The following GRIK2 variants were observed in gnomAD, a reference collection of about 807,000 sequenced individuals.
The protein encoded by GRIK2 is glutamate receptor ionotropic, kainate 2.
GRIK2 carries 32 observed loss-of-function variants against 100.3 expected under a neutral mutation model. That is an observed-to-expected ratio of 0.32 (90% CI 0.24 to 0.43). The LOEUF is 0.43. GRIK2 is among the 20% of genes least tolerant of loss of function. The pLI is 1.00. For missense variants in GRIK2, 843 were observed against 1,114.9 expected (o/e 0.76, Z 3.47); for synonymous variants, 417 against 389.4 (o/e 1.07, Z -0.83).
intron 2 of GRIK2, among the ~76,000 whole-genome samples, chr6:101,466,757 T>G (rs1424288422): frequency 6.6e-6 from 1 of 152,216 alleles, no homozygotes; most frequent in Non-Finnish European, 1.5e-5. Flanking sequence ...AGCTCTGATG[T>G]ATTTTGAAGG....
At chr6:101,595,886 T>A (rs2128308242) in intron 2 of GRIK2, among the ~76,000 whole-genome samples, 1 of 151,402 alleles carries the variant, frequency 6.6e-6, no homozygotes, top group East Asian at 2.0e-4. Flanking sequence ...ACCAGTGTTT[T>A]CTTCCTATGT....
At chr6:101,960,631 A>G (rs746811332) in intron 14 of GRIK2, among the ~76,000 whole-genome samples, 1 of 152,162 alleles carries the variant, frequency 6.6e-6, no homozygotes, top group Non-Finnish European at 1.5e-5. Flanking sequence ...GGTTATAAAT[A>G]CAGTTCCTTT....
At chr6:101,420,683 A>T (rs533727604) in intron 2 of GRIK2, among the ~76,000 whole-genome samples, 71 of 152,142 alleles carry the variant, frequency 4.7e-4, no homozygotes, top group African/African-American at 1.7e-3. Flanking sequence ...TTAAACAGCA[A>T]CTCTGTGTCA....
At chr6:101,923,118 A>T (rs545209266) in intron 12 of GRIK2, among the ~76,000 whole-genome samples, 27 of 152,318 alleles carry the variant, frequency 1.8e-4, no homozygotes, top group Admixed American at 1.0e-3. Context: ...CTAAAATTGC[A>T]TTAGAAAGAT....
intron 14 of GRIK2, among the ~76,000 whole-genome samples, chr6:101,982,396 AT>A: frequency 6.6e-6 from 1 of 151,966 alleles, no homozygotes; most frequent in African/African-American, 2.4e-5. Flanking sequence ...CAGCCACTCT[AT>A]CATGCAGATA....
At chr6:101,563,304 A>G (rs2128296367) in intron 2 of GRIK2, among the ~76,000 whole-genome samples, 1 of 152,348 alleles carries the variant, frequency 6.6e-6, no homozygotes, top group East Asian at 1.9e-4. Flanking sequence ...AGATCAAAAC[A>G]CATGTTCTGA....
chr6:101,774,278 T>A (rs1015519691), intron 7 of GRIK2, among the ~76,000 whole-genome samples: 1 of 152,154 alleles, frequency 6.6e-6, no homozygotes, highest in Non-Finnish European at 1.5e-5. Flanking sequence ...AAGGTAAATA[T>A]AAACAACATT....
intron 10 of GRIK2, among the ~76,000 whole-genome samples, chr6:101,841,159 G>A (rs539328959): frequency 2.3e-4 from 35 of 152,178 alleles, no homozygotes; most frequent in African/African-American, 8.4e-4. Flanking sequence ...TTGTGCCCTC[G>A]AGCAATAGCA....
intron 10 of GRIK2, among the ~76,000 whole-genome samples, chr6:101,845,002 TTTGTTGTTGTTG>T (rs141350986): frequency 2.0e-3 from 298 of 150,994 alleles, no homozygotes; most frequent in African/African-American, 7.1e-3. Context: ...TCATTGTTTG[TTTGTTGTTGTTG>T]TTGTTGTTGT....
At chr6:102,016,448 A>AAAAG (rs1262899548) in intron 14 of GRIK2, among the ~76,000 whole-genome samples, 1 of 152,070 alleles carries the variant, frequency 6.6e-6, no homozygotes, top group Non-Finnish European at 1.5e-5. Context: ...GAATTTTAAA[A>AAAAG]AAAGAATGAA....
chr6:101,601,848 C>G (rs1779227592), intron 2 of GRIK2, among the ~76,000 whole-genome samples: 1 of 151,668 alleles, frequency 6.6e-6, no homozygotes, highest in Non-Finnish European at 1.5e-5. Flanking sequence ...AGCTAGCAAT[C>G]TATTGATCAT....
At chr6:101,862,694 G>T (rs1582404401) in intron 11 of GRIK2, among the ~76,000 whole-genome samples, 1 of 151,748 alleles carries the variant, frequency 6.6e-6, no homozygotes, top group African/African-American at 2.4e-5. Flanking sequence ...GGAGTAACTG[G>T]GATTATCGAC....
intron 12 of GRIK2, among the ~76,000 whole-genome samples, chr6:101,906,988 C>T (rs1788276059): frequency 6.6e-6 from 1 of 151,624 alleles, no homozygotes; most frequent in African/African-American, 2.4e-5. Context: ...AAAATGACTA[C>T]AATCATAAAG....
At chr6:101,847,017 T>C (rs1226345862) in intron 10 of GRIK2, among the ~76,000 whole-genome samples, 1 of 151,934 alleles carries the variant, frequency 6.6e-6, no homozygotes, top group Non-Finnish European at 1.5e-5. Context: ...GAGGTAATCT[T>C]TCTTCTTTTC....
intron 1 of GRIK2, among the ~76,000 whole-genome samples, 145 bp downstream of exon 1, chr6:101,393,982 C>T (rs532573615): frequency 1.3e-5 from 2 of 152,332 alleles, no homozygotes; most frequent in Admixed American, 6.5e-5. Context: ...TGCGGACGTC[C>T]GTGCGCTCGG....
At chr6:101,653,826 G>A (rs1215491178) in intron 4 of GRIK2, among the ~76,000 whole-genome samples, 2 of 151,924 alleles carry the variant, frequency 1.3e-5, no homozygotes, top group Admixed American at 6.6e-5. Context: ...TCACTATGTC[G>A]GCCAGGCTGG....
At chr6:101,950,139 C>A (rs1233462353) in intron 14 of GRIK2, among the ~76,000 whole-genome samples, 3 of 151,986 alleles carry the variant, frequency 2.0e-5, no homozygotes, top group African/African-American at 7.2e-5. Context: ...GTTTTTTCTA[C>A]CTGTTTCAAA....
chr6:101,442,852 G>A (rs1035369384), intron 2 of GRIK2, among the ~76,000 whole-genome samples: 1 of 152,128 alleles, frequency 6.6e-6, no homozygotes, highest in Non-Finnish European at 1.5e-5. Context: ...GCTCCGTCTG[G>A]ACTGTTTTCC....
chr6:101,874,691 A>G (rs1260441987), intron 11 of GRIK2, among the ~76,000 whole-genome samples: 1 of 151,938 alleles, frequency 6.6e-6, no homozygotes, highest in Admixed American at 6.6e-5. Context: ...CTTGGGCAGT[A>G]TGGCCATTTT....
Sources: gnomAD v4.1 joint callset for allele counts (sites outside exome capture counted in the v4.1 genomes callset) on GRCh38, gnomAD v4.1.1 for gene constraint, MANE v1.5 for transcripts, NCBI Gene and HGNC (gene_info 2026-07-23, HGNC 2026-07-21) for gene names.